Variants in EMCN observed in about 807,000 individuals in gnomAD.
EMCN encodes MUC-14.
Under a neutral mutation model 38.4 loss-of-function variants are expected in EMCN, and 37 were observed. That is an observed-to-expected ratio of 0.96 (90% CI 0.74 to 1.27). The LOEUF (loss-of-function observed/expected upper bound fraction) is 1.27. Ranked by LOEUF, EMCN falls within the 50% of genes most tolerant of loss-of-function variation. The pLI, the probability that EMCN is intolerant of heterozygous loss-of-function variation, is 0.00. For missense variants in EMCN, 318 were observed against 302.8 expected (o/e 1.05, Z -0.37); for synonymous variants, 95 against 100.8 (o/e 0.94, Z 0.35).
intron 5 of EMCN, among the ~76,000 whole-genome samples, chr4:100,443,947 A>G (rs1184653492): frequency 6.6e-6 from 1 of 152,184 alleles, no homozygotes; most frequent in East Asian, 1.9e-4. Flanking sequence ...AAATGTAGAC[A>G]CTTAGCGATG....
At chr4:100,467,444 C>T (rs1168319732) in intron 3 of EMCN, among the ~76,000 whole-genome samples, 4 of 151,586 alleles carry the variant, frequency 2.6e-5, no homozygotes, top group African/African-American at 4.9e-5. Context: ...TTTGGGAGGC[C>T]GAGGCGGGCG....
At chr4:100,513,605 T>C (rs544660495) in intron 1 of EMCN, among the ~76,000 whole-genome samples, 9 of 152,130 alleles carry the variant, frequency 5.9e-5, no homozygotes, top group Non-Finnish European at 1.2e-4. Context: ...AAAGTGGTTA[T>C]AGTTTGAGAG....
intron 1 of EMCN, among the ~76,000 whole-genome samples, chr4:100,484,650 T>C (rs1728894338): frequency 2.0e-5 from 3 of 152,122 alleles, no homozygotes; most frequent in Admixed American, 2.0e-4. Flanking sequence ...AGTCTACACC[T>C]AAAGTCCAGT....
intron 11 of EMCN, among the ~76,000 whole-genome samples, chr4:100,409,158 T>C (rs1169477462): frequency 6.6e-6 from 1 of 152,176 alleles, no homozygotes; most frequent in South Asian, 2.1e-4. Flanking sequence ...ATATTTCTCA[T>C]CGTGGACACT....
chr4:100,468,416 G>C (rs777587428), intron 3 of EMCN, among the ~76,000 whole-genome samples: 4 of 152,194 alleles, frequency 2.6e-5, no homozygotes, highest in Non-Finnish European at 5.9e-5. Flanking sequence ...TGAAGAGATG[G>C]TTTGTGGTCA....
intron 2 of EMCN, among the ~76,000 whole-genome samples, chr4:100,476,610 T>C (rs1255811562): frequency 6.6e-6 from 1 of 152,234 alleles, no homozygotes; most frequent in Admixed American, 6.5e-5. Context: ...ATCATAATTT[T>C]ATTCTCTGCA....
intron 3 of EMCN, among the ~76,000 whole-genome samples, chr4:100,467,140 A>T (rs1728338722): frequency 6.6e-6 from 1 of 152,088 alleles, no homozygotes; most frequent in Non-Finnish European, 1.5e-5. Flanking sequence ...CACAAATGAG[A>T]ATTAGAGCCT....
At chr4:100,498,851 A>G (rs943191021) in intron 1 of EMCN, among the ~76,000 whole-genome samples, 1 of 152,254 alleles carries the variant, frequency 6.6e-6, no homozygotes, top group Non-Finnish European at 1.5e-5. Flanking sequence ...GTGCTAGGTG[A>G]TGATATAAAC....
At chr4:100,507,269 GA>G (rs1263154553) in intron 1 of EMCN, among the ~76,000 whole-genome samples, 1 of 152,054 alleles carries the variant, frequency 6.6e-6, no homozygotes, top group Non-Finnish European at 1.5e-5. Context: ...AACAAAGCTG[GA>G]ATTTAAGCCT....
chr4:100,487,549 A>G (rs1382583681), intron 1 of EMCN, among the ~76,000 whole-genome samples: 1 of 152,166 alleles, frequency 6.6e-6, no homozygotes, highest in Non-Finnish European at 1.5e-5. Context: ...CTCATCTTGA[A>G]TTGTGATCTC....
chr4:100,412,581 A>G (rs1392310056), intron 10 of EMCN, among the ~76,000 whole-genome samples: 3 of 152,218 alleles, frequency 2.0e-5, no homozygotes, highest in African/African-American at 7.2e-5. Context: ...CATGTCACAC[A>G]TACATTTTTT....
chr4:100,516,091 T>G (rs1370898194), intron 1 of EMCN, among the ~76,000 whole-genome samples: 2 of 152,146 alleles, frequency 1.3e-5, no homozygotes, highest in Non-Finnish European at 2.9e-5. Flanking sequence ...AACTATTGTC[T>G]CTGCTCAAAT....
chr4:100,470,662 A>C (rs1728452439), intron 3 of EMCN, among the ~76,000 whole-genome samples: 2 of 152,060 alleles, frequency 1.3e-5, no homozygotes. Context: ...AATTGGATAA[A>C]CAATATATGG....
At chr4:100,464,623 T>C (rs1249710838) in intron 4 of EMCN, among the ~76,000 whole-genome samples, 1 of 152,150 alleles carries the variant, frequency 6.6e-6, no homozygotes, top group East Asian at 1.9e-4. Flanking sequence ...TTTTGTCGAA[T>C]GCTCCTTCTA....
chr4:100,404,582 G>A (rs543898464), intron 11 of EMCN, among the ~76,000 whole-genome samples: 1 of 152,024 alleles, frequency 6.6e-6, no homozygotes, highest in South Asian at 2.1e-4. Context: ...GTCTGTTTTT[G>A]TATCAGTATC....
chr4:100,459,520 C>A (rs2110257268), intron 4 of EMCN, among the ~76,000 whole-genome samples: 1 of 152,086 alleles, frequency 6.6e-6, no homozygotes, highest in African/African-American at 2.4e-5. Flanking sequence ...AGAAGGTATT[C>A]CTCCTGTCTA....
intron 1 of EMCN, among the ~76,000 whole-genome samples, chr4:100,505,696 C>A (rs1729464024): frequency 6.6e-6 from 1 of 152,086 alleles, no homozygotes; most frequent in South Asian, 2.1e-4. Context: ...CTTACGGCGC[C>A]ACATCAAGTA....
intron 3 of EMCN, among the ~76,000 whole-genome samples, chr4:100,466,521 C>T (rs1272790548): frequency 6.6e-6 from 1 of 152,170 alleles, no homozygotes; most frequent in East Asian, 1.9e-4. Context: ...ATACATTTTC[C>T]TTCAGGTAAA....
chr4:100,408,956 C>T (rs1485424029), intron 11 of EMCN, among the ~76,000 whole-genome samples: 1 of 152,168 alleles, frequency 6.6e-6, no homozygotes, highest in Admixed American at 6.5e-5. Flanking sequence ...CCTAATCCAT[C>T]CCTAATTACT....
Sources: allele counts gnomAD v4.1 joint callset (sites outside exome capture counted in the v4.1 genomes callset), GRCh38; gene constraint gnomAD v4.1.1; transcripts MANE v1.5; gene names NCBI Gene and HGNC (gene_info 2026-07-23, HGNC 2026-07-21).